COL4A3: variants seen among roughly 807,000 people sequenced by gnomAD.
COL4A3 encodes collagen alpha-3(IV) chain.
COL4A3 carries 135 observed loss-of-function variants against 217.4 expected under a neutral mutation model. The ratio of observed to expected loss-of-function variants is 0.62; its 90% confidence interval spans 0.54 to 0.72. The LOEUF (loss-of-function observed/expected upper bound fraction) is 0.72. Among genes scored for constraint, COL4A3 ranks in the 30% least tolerant of loss-of-function variants. The pLI is 0.00. For missense variants in COL4A3, 1,868 were observed against 2,119.9 expected (o/e 0.88, Z 2.33); for synonymous variants, 690 against 736.3 (o/e 0.94, Z 1.02).
chr2:227,304,678 T>G (rs1205757346), intron 46 of COL4A3, among the ~76,000 whole-genome samples: 1 of 152,230 alleles, frequency 6.6e-6, no homozygotes, highest in Non-Finnish European at 1.5e-5. Context: ...GATAAAGATA[T>G]TACTTATTTG....
At chr2:227,283,011 GGAA>G (rs556516963) in intron 32 of COL4A3, among the ~76,000 whole-genome samples, 14 of 152,204 alleles carry the variant, frequency 9.2e-5, no homozygotes, top group African/African-American at 3.1e-4. Context: ...TTTCTTTTTG[GGAA>G]GTCTCTAAAT....
Position 227,240,162 on chromosome 2 carries a change from G to A in COL4A3, c.164G>A (p.Gly55Glu). Residue 55 changes from glycine (G) to glutamate (E), a missense_variant, in exon 3 of 52, where the codon GGA (glycine) becomes GAA (glutamate). Physicochemically the swap from Gly to Glu is moderately conservative, Grantham distance 98 (BLOSUM62 -2). This residue lies in a region of COL4A3 where 365 missense variants were observed against 333.8 expected (regional missense o/e 1.09). Coordinates refer to ENST00000396578, the MANE Select transcript of COL4A3 (RefSeq NM_000091.5). ...TAACAGGGGGAGAAGGGCTTTCCTG[G>A]ACCCCCCGGTTCTCCTGGCCAGAAA... ...KGEKGEKGFPGPPGSPGQKGF... is the reference protein window; with the variant it reads ...KGEKGEKGFPEPPGSPGQKGF... 1.2e-6 allele frequency: 2 copies of A among 1,610,282 alleles called. No individual in the cohort carries two copies. Among genetic ancestry groups the A allele is most frequent in the Non-Finnish European group, 1.7e-6 (2 of 1,178,496 alleles).
chr2:227,164,715 C>A lies in COL4A3; in HGVS notation c.-12C>A. 1 of 1,529,504 alleles carries A rather than the reference C, an allele frequency of 6.5e-7. No homozygotes were observed. 94.7% of individuals were successfully genotyped at this position (1,529,504 alleles called of 1,614,324 possible). The stretch of plus-strand genomic sequence containing the variant: ...TCCCCGGACTCGCCCAGGCTCTGAG[C>A]GCGCGCCCACCATGAGCGCCCGGAC... On this transcript the variant is annotated 5_prime_UTR_variant, in exon 1 of 52. Transcript: ENST00000396578. This position sits in a 1 kb window ranked among gnomAD's most constrained non-coding sequence, Gnocchi z 4.8.
chr2:227,224,351 A>G (rs548270941), intron 1 of COL4A3, among the ~76,000 whole-genome samples: 1 of 152,334 alleles, frequency 6.6e-6, no homozygotes, highest in Admixed American at 6.5e-5. Flanking sequence ...ATTGTCTTTA[A>G]AATTTTCCTA....
At chr2:227,295,669 G>T (rs2072997658) in intron 41 of COL4A3, among the ~76,000 whole-genome samples, 1 of 152,162 alleles carries the variant, frequency 6.6e-6, no homozygotes, top group African/African-American at 2.4e-5. Context: ...TGTCCCTGCT[G>T]TTCTGAGACA....
intron 23 of COL4A3, among the ~76,000 whole-genome samples, chr2:227,267,406 C>G (rs935637074): frequency 1.4e-4 from 21 of 152,220 alleles, no homozygotes; most frequent in African/African-American, 4.8e-4. Flanking sequence ...CCCTCTTTCT[C>G]TTCCATAAAG....
rs74333012 is a variant in COL4A3 at position 227,308,950 on chromosome 2, G to C, written c.4514G>C (p.Cys1505Ser). 1 of 1,614,012 alleles carries C rather than the reference G, an allele frequency of 6.2e-7. No homozygotes were observed. The highest frequency in any genetic ancestry group is 8.5e-7 in the Non-Finnish European group (1 of 1,180,036). Reference sequence around the variant, plus strand: ...TTTACCACAATGCCATTCTTATTCTGCAATGTCAATGATGTATGTAATTTT... The same window carrying C: ...TTTACCACAATGCCATTCTTATTCTCCAATGTCAATGATGTATGTAATTTT... The part of the protein sequence containing the change: ...QRFTTMPFLF[C>S]NVNDVCNFAS... The change falls in exon 49 of 52, where the codon TGC (cysteine) becomes TCC (serine). Residue 1505 changes from cysteine to serine, a missense_variant. Cys to Ser is a moderately radical substitution (Grantham distance 112). This residue lies in a region of COL4A3 where 1,503 missense variants were observed against 1,786.1 expected (regional missense o/e 0.84). Transcript: ENST00000396578.
chr2:227,254,935 C>T (rs59354201), intron 15 of COL4A3, among the ~76,000 whole-genome samples: 1 of 152,142 alleles, frequency 6.6e-6, no homozygotes, highest in African/African-American at 2.4e-5. Flanking sequence ...GGCAGGACTC[C>T]CTCTCCATCT....
chr2:227,240,107 C>T (rs1432966127), intron 2 of COL4A3, 36 bp from the exon 3 acceptor site: 7 of 1,516,904 alleles, frequency 4.6e-6, no homozygotes, highest in East Asian at 2.3e-5. Context: ...ATAGTTGCTG[C>T]TCTGTGTGTT....
intron 20 of COL4A3, among the ~76,000 whole-genome samples, chr2:227,261,374 A>G (rs1017731773): frequency 2.0e-5 from 3 of 152,280 alleles, no homozygotes; most frequent in Admixed American, 6.5e-5. Flanking sequence ...AAAATACAAA[A>G]AAATTAGCTG....
Position 227,280,966 on chromosome 2 carries a change from C to G in COL4A3, c.2448C>G (p.Ala816=). ...PGRCIEGPRG[A]QGLPGLNGLK... ...GGTGCATAGAGGGTCCCAGGGGAGC[C>G]CAAGGACTTCCAGGCTTAAATGGAT... Residue 816 remains alanine (A), a synonymous_variant, in exon 31 of 52, where the codon GCC becomes GCG. Transcript: ENST00000396578. The G allele has an allele frequency of 6.4e-7, 1 of 1,566,816 alleles. No homozygotes were observed. The highest frequency in any genetic ancestry group is 8.7e-7 in the Non-Finnish European group (1 of 1,155,156).
At chr2:227,167,918 G>A (rs760078318) in intron 1 of COL4A3, among the ~76,000 whole-genome samples, 27 of 152,066 alleles carry the variant, frequency 1.8e-4, no homozygotes, top group Admixed American at 7.2e-4. Flanking sequence ...TCTGTTCTCC[G>A]TAAAAAATAA....
At chr2:227,293,371 C>A in intron 38 of COL4A3, 54 bp downstream of exon 38, 1 of 1,583,628 alleles carries the variant, frequency 6.3e-7, no homozygotes. Context: ...AGAGTATAGC[C>A]CTCCTGAAAT....
chr2:227,262,799 A>G (rs1360634064), intron 20 of COL4A3, among the ~76,000 whole-genome samples: 1 of 152,076 alleles, frequency 6.6e-6, no homozygotes, highest in Non-Finnish European at 1.5e-5. Context: ...TGATGGAGTT[A>G]GGGGTGAAGA....
At chr2:227,295,200 A>G in intron 40 of COL4A3, 69 bp from the exon 41 acceptor site, 1 of 1,561,068 alleles carries the variant, frequency 6.4e-7, no homozygotes, top group Admixed American at 1.7e-5. Context: ...TGTGTACTAA[A>G]CTTTTCTCAT....
intron 11 of COL4A3, 111 bp downstream of exon 11, chr2:227,251,482 C>T: frequency 1.0e-6 from 1 of 979,056 alleles, no homozygotes; most frequent in Non-Finnish European, 1.6e-6. Flanking sequence ...CTGGAACTCA[C>T]AAGGATCCCT....
At chr2:227,266,306 C>A in intron 21 of COL4A3, 111 bp from the exon 22 acceptor site, 1 of 837,576 alleles carries the variant, frequency 1.2e-6, no homozygotes, top group Non-Finnish European at 2.0e-6. Context: ...AAAGACTAGG[C>A]TTCCAATACA....
At chr2:227,243,981 C>T (rs2069172469) in intron 3 of COL4A3, among the ~76,000 whole-genome samples, 3 of 152,138 alleles carry the variant, frequency 2.0e-5, no homozygotes, top group Non-Finnish European at 4.4e-5. Flanking sequence ...GCACAAGAAT[C>T]ACTAAAGAAT....
intron 22 of COL4A3, 127 bp from the exon 23 acceptor site, chr2:227,266,866 G>A (rs989082249): frequency 5.7e-5 from 41 of 724,508 alleles, no homozygotes; most frequent in African/African-American, 8.8e-5. Flanking sequence ...TATGTATAAC[G>A]TCCTAGATAA....
Sources: allele counts gnomAD v4.1 joint callset (sites outside exome capture counted in the v4.1 genomes callset), GRCh38; gene constraint gnomAD v4.1.1; regional missense constraint gnomAD v4.1.1; non-coding constraint Gnocchi (gnomAD v3.1); transcripts MANE v1.5; gene names NCBI Gene and HGNC (gene_info 2026-07-23, HGNC 2026-07-21).